Variants in AP3B1 observed in about 807,000 individuals in gnomAD.
The protein encoded by AP3B1 is adaptor related protein complex 3 subunit beta 1.
AP3B1 carries 61 observed loss-of-function variants against 132.5 expected under a neutral mutation model. The ratio of observed to expected loss-of-function variants is 0.46; its 90% CI spans 0.37 to 0.57. AP3B1 has a LOEUF of 0.57. Among genes scored for constraint, AP3B1 ranks in the 20% least tolerant of loss-of-function variants. The probability of loss-of-function intolerance (pLI) is 0.00; values close to 1 mark genes in which losing one functional copy is unlikely to be tolerated. For missense variants in AP3B1, 1,120 were observed against 1,289.4 expected (o/e 0.87, Z 2.01); for synonymous variants, 388 against 438.3 (o/e 0.89, Z 1.43).
chr5:78,289,889 C>G (rs1561224287), intron 1 of AP3B1, among the ~76,000 whole-genome samples: 3 of 152,196 alleles, frequency 2.0e-5, no homozygotes, highest in Admixed American at 1.3e-4. Context: ...ATATCCATCT[C>G]ATTTGAACAT....
At chr5:78,264,733 TC>T (rs1399489824) in intron 2 of AP3B1, among the ~76,000 whole-genome samples, 1 of 152,220 alleles carries the variant, frequency 6.6e-6, no homozygotes, top group Non-Finnish European at 1.5e-5. Flanking sequence ...GGATAAACAG[TC>T]CGTCTGGAAA....
intron 22 of AP3B1, among the ~76,000 whole-genome samples, chr5:78,080,453 CTTT>C (rs536764034): frequency 7.2e-6 from 1 of 138,194 alleles, no homozygotes; most frequent in Non-Finnish European, 1.6e-5. Context: ...TTCCAATTTT[CTTT>C]TTTTTTTTTC....
At chr5:78,250,581 T>C (rs1446542207) in intron 2 of AP3B1, among the ~76,000 whole-genome samples, 1 of 152,128 alleles carries the variant, frequency 6.6e-6, no homozygotes, top group East Asian at 1.9e-4. Context: ...TAAATAACTC[T>C]AATGCTTTCT....
chr5:78,043,959 G>A (rs944834355), intron 22 of AP3B1: 2 of 314,514 alleles, frequency 6.4e-6, no homozygotes, highest in African/African-American at 2.2e-5. Flanking sequence ...ACTTGGAAGG[G>A]TTTGTCAGGC....
intron 22 of AP3B1, among the ~76,000 whole-genome samples, chr5:78,071,267 C>A (rs1292807895): frequency 6.6e-6 from 1 of 152,166 alleles, no homozygotes; most frequent in African/African-American, 2.4e-5. Context: ...AGGGACATGG[C>A]TGGAGCTGGA....
chr5:78,260,449 C>T (rs1172199320), intron 2 of AP3B1, among the ~76,000 whole-genome samples: 3 of 152,108 alleles, frequency 2.0e-5, no homozygotes, highest in Admixed American at 1.3e-4. Context: ...CAAAAATTAG[C>T]GGGGCATGGT....
chr5:78,016,562 T>G (rs768548697), intron 25 of AP3B1, among the ~76,000 whole-genome samples: 2 of 152,108 alleles, frequency 1.3e-5, no homozygotes, highest in Non-Finnish European at 2.9e-5. Context: ...AAAAATCTGA[T>G]TTCATGTTTT....
chr5:78,120,261 A>G (rs1752107076), intron 17 of AP3B1, among the ~76,000 whole-genome samples: 1 of 152,244 alleles, frequency 6.6e-6, no homozygotes, highest in African/African-American at 2.4e-5. Context: ...AAGACCATCA[A>G]GGCTAGGAAG....
intron 7 of AP3B1, among the ~76,000 whole-genome samples, chr5:78,202,556 T>TGTGTGA (rs1380278185): frequency 0.03 from 1,990 of 66,784 alleles, 55 homozygotes; most frequent in African/African-American, 0.1. Flanking sequence ...ATATTCAGTG[T>TGTGTGA]GTGTGTGTGT....
intron 7 of AP3B1, among the ~76,000 whole-genome samples, chr5:78,193,772 T>A (rs868793907): frequency 0.011 from 989 of 91,062 alleles, 41 homozygotes; most frequent in South Asian, 0.017. Context: ...ATATATATAT[T>A]TTTTTTTTAG....
chr5:78,187,813 T>G (rs1160135638), intron 7 of AP3B1, among the ~76,000 whole-genome samples: 1 of 152,254 alleles, frequency 6.6e-6, no homozygotes, highest in South Asian at 2.1e-4. Flanking sequence ...GGAGGCATCA[T>G]GCTACCTGAC....
intron 21 of AP3B1, among the ~76,000 whole-genome samples, chr5:78,096,483 T>G (rs900850788): frequency 1.4e-5 from 2 of 145,420 alleles, no homozygotes; most frequent in African/African-American, 5.1e-5. Flanking sequence ...TCGTCTGGGA[T>G]GTGAGGAGCC....
At chr5:78,116,842 A>T (rs538459154) in intron 17 of AP3B1, among the ~76,000 whole-genome samples, 2 of 151,944 alleles carry the variant, frequency 1.3e-5, no homozygotes, top group South Asian at 4.2e-4. Flanking sequence ...CAGCAAACAA[A>T]CTTTGCAAAA....
intron 1 of AP3B1, among the ~76,000 whole-genome samples, chr5:78,276,448 T>A (rs1344298477): frequency 6.6e-6 from 1 of 152,146 alleles, no homozygotes; most frequent in Admixed American, 6.6e-5. Context: ...GAAGCAAATT[T>A]AGGCTGGGGG....
At chr5:78,173,430 T>A (rs1744010688) in intron 11 of AP3B1, among the ~76,000 whole-genome samples, 1 of 152,194 alleles carries the variant, frequency 6.6e-6, no homozygotes. Flanking sequence ...GCTTTATGAA[T>A]CTGGGTGCTC....
chr5:78,166,335 T>G (rs1211849364), intron 11 of AP3B1, among the ~76,000 whole-genome samples: 1 of 152,184 alleles, frequency 6.6e-6, no homozygotes, highest in African/African-American at 2.4e-5. Flanking sequence ...AATACAAACT[T>G]ATAATTTATA....
At chr5:78,087,857 G>A (rs532277208) in intron 22 of AP3B1, among the ~76,000 whole-genome samples, 4 of 152,216 alleles carry the variant, frequency 2.6e-5, no homozygotes, top group South Asian at 2.1e-4. Flanking sequence ...GAGAATATTC[G>A]TTAATATTTA....
chr5:78,131,768 TC>T (rs1196127677), intron 15 of AP3B1, among the ~76,000 whole-genome samples: 1 of 152,106 alleles, frequency 6.6e-6, no homozygotes, highest in African/African-American at 2.4e-5. Context: ...GTTCAGTTCT[TC>T]CCTTGCCTGT....
At chr5:78,114,013 AC>A in intron 18 of AP3B1, 90 bp from the exon 19 acceptor site, 1 of 1,440,260 alleles carries the variant, frequency 6.9e-7, no homozygotes, top group Non-Finnish European at 9.5e-7. Context: ...CACAAATGAA[AC>A]CAGATGTTGA....
Sources: gnomAD v4.1 joint callset for allele counts (sites outside exome capture counted in the v4.1 genomes callset) on GRCh38, gnomAD v4.1.1 for gene constraint, MANE v1.5 for transcripts, NCBI Gene and HGNC (gene_info 2026-07-23, HGNC 2026-07-21) for gene names.